Variants in SAMD12 observed in about 807,000 individuals in gnomAD.
SAMD12 encodes sterile alpha motif domain-containing protein 12.
A neutral mutation model predicts 15.0 loss-of-function variants in SAMD12; 9 were observed. The ratio of observed to expected loss-of-function variants is 0.60; its 90% CI spans 0.36 to 1.05. SAMD12 has a LOEUF of 1.05. SAMD12 is among the 50% of genes least tolerant of loss of function. SAMD12 has a pLI of 0.01. For synonymous variants in SAMD12, 86 were observed against 90.1 expected (o/e 0.96, Z 0.25); for missense variants, 230 against 234.2 (o/e 0.98, Z 0.12).
intron 4 of SAMD12, among the ~76,000 whole-genome samples, chr8:118,204,945 G>A (rs150714049): frequency 1.3e-5 from 2 of 152,224 alleles, no homozygotes; most frequent in East Asian, 3.9e-4. Flanking sequence ...AACTTGATTG[G>A]GCCACTGGGT....
At chr8:118,435,993 G>A (rs1385233551) in intron 3 of SAMD12, among the ~76,000 whole-genome samples, 1 of 152,178 alleles carries the variant, frequency 6.6e-6, no homozygotes, top group East Asian at 1.9e-4. Context: ...TGGAACAGAA[G>A]TTACATGTCA....
At chr8:118,560,653 C>T (rs975343085) in intron 2 of SAMD12, among the ~76,000 whole-genome samples, 1 of 152,054 alleles carries the variant, frequency 6.6e-6, no homozygotes, top group Non-Finnish European at 1.5e-5. Flanking sequence ...ATAAACATAC[C>T]TTATTTTTTT....
chr8:118,477,078 T>A (rs1036288935), intron 2 of SAMD12, among the ~76,000 whole-genome samples: 9 of 151,914 alleles, frequency 5.9e-5, no homozygotes, highest in Admixed American at 3.3e-4. Flanking sequence ...TTCTTTTTTT[T>A]TTTTTGAGTT....
chr8:118,466,573 G>A (rs916252409), intron 2 of SAMD12, among the ~76,000 whole-genome samples: 1 of 152,090 alleles, frequency 6.6e-6, no homozygotes, highest in Non-Finnish European at 1.5e-5. Flanking sequence ...ACACCCAAGT[G>A]GGGTAAGTAT....
the SAMD12 span, among the ~76,000 whole-genome samples, chr8:118,176,026 G>T: frequency 6.6e-6 from 1 of 152,132 alleles, no homozygotes; most frequent in Non-Finnish European, 1.5e-5. Flanking sequence ...TTTTGGCCAG[G>T]CGTGGTGGCT....
chr8:118,418,458 G>A (rs373599191), intron 3 of SAMD12, among the ~76,000 whole-genome samples: 2 of 152,230 alleles, frequency 1.3e-5, no homozygotes, highest in East Asian at 1.9e-4. Context: ...GCTCACGCCT[G>A]TAATCCCAGC....
chr8:118,596,158 C>G (rs1201531045), intron 1 of SAMD12, among the ~76,000 whole-genome samples: 1 of 152,172 alleles, frequency 6.6e-6, no homozygotes, highest in Admixed American at 6.5e-5. Context: ...ACAGCAGGCC[C>G]CAGCCAGAAG....
intron 2 of SAMD12, among the ~76,000 whole-genome samples, chr8:118,487,218 T>C (rs868803115): frequency 2.3e-4 from 35 of 152,294 alleles, no homozygotes; most frequent in African/African-American, 7.2e-4. Context: ...TCAGTGGCTA[T>C]AGGTTTTTGT....
chr8:118,343,781 C>T (rs1303985838), intron 4 of SAMD12, among the ~76,000 whole-genome samples: 5 of 152,114 alleles, frequency 3.3e-5, no homozygotes, highest in African/African-American at 7.2e-5. Context: ...CAGATCAGGC[C>T]GGACTAGGTC....
chr8:118,585,614 G>A (rs1283713124), intron 1 of SAMD12, among the ~76,000 whole-genome samples: 1 of 152,086 alleles, frequency 6.6e-6, no homozygotes, highest in Non-Finnish European at 1.5e-5. Context: ...CATCTAGAAT[G>A]TTATTTTATT....
chr8:118,197,686 A>G (rs745520245), exon 5 of SAMD12: 2 of 1,607,544 alleles, frequency 1.2e-6, no homozygotes, highest in Admixed American at 3.3e-5. Flanking sequence ...CTGGCAGGAC[A>G]GCAGCTTGGA....
At chr8:118,562,355 A>C (rs1002685004) in intron 2 of SAMD12, among the ~76,000 whole-genome samples, 6 of 152,022 alleles carry the variant, frequency 3.9e-5, no homozygotes, top group African/African-American at 1.4e-4. Context: ...ATAGTAAGAA[A>C]CACCAGAAGA....
At chr8:118,444,200 C>T (rs1488421734) in intron 2 of SAMD12, among the ~76,000 whole-genome samples, 1 of 152,142 alleles carries the variant, frequency 6.6e-6, no homozygotes, top group East Asian at 1.9e-4. Context: ...AAAAAACATC[C>T]TGCCCAATGG....
intron 4 of SAMD12, among the ~76,000 whole-genome samples, chr8:118,367,568 CAA>C (rs1818865814): frequency 6.6e-6 from 1 of 152,178 alleles, no homozygotes. Context: ...ATTGTCCAAA[CAA>C]GAGATATCAC....
chr8:118,484,419 T>A (rs1824220744), intron 2 of SAMD12, among the ~76,000 whole-genome samples: 1 of 152,124 alleles, frequency 6.6e-6, no homozygotes, highest in African/African-American at 2.4e-5. Flanking sequence ...GAGGGCATAT[T>A]TTATGTTAAG....
At chr8:118,206,242 G>C (rs1228165042) in intron 4 of SAMD12, among the ~76,000 whole-genome samples, 1 of 152,170 alleles carries the variant, frequency 6.6e-6, no homozygotes, top group Non-Finnish European at 1.5e-5. Context: ...AAAGCAGCTT[G>C]GCAAAATCCA....
At chr8:118,493,418 A>C (rs1410557706) in intron 2 of SAMD12, among the ~76,000 whole-genome samples, 2 of 152,192 alleles carry the variant, frequency 1.3e-5, no homozygotes, top group African/African-American at 4.8e-5. Context: ...TCTGTTAAAT[A>C]AAGCCCAGGT....
intron 2 of SAMD12, among the ~76,000 whole-genome samples, chr8:118,495,472 T>G (rs1824581718): frequency 6.6e-6 from 1 of 152,196 alleles, no homozygotes; most frequent in Non-Finnish European, 1.5e-5. Flanking sequence ...TAAATATGTA[T>G]GTGATGACTA....
chr8:118,570,827 T>G (rs932666564), intron 2 of SAMD12, among the ~76,000 whole-genome samples: 2 of 152,300 alleles, frequency 1.3e-5, no homozygotes, highest in African/African-American at 4.8e-5. Flanking sequence ...AATTGAATCA[T>G]GCAGGCAAGT....
Sources: allele counts gnomAD v4.1 joint callset (sites outside exome capture counted in the v4.1 genomes callset), GRCh38; gene constraint gnomAD v4.1.1; transcripts MANE v1.5; gene names NCBI Gene and HGNC (gene_info 2026-07-23, HGNC 2026-07-21).